The following FOXD1 variants were observed in gnomAD, a reference collection of about 807,000 sequenced individuals.
FOXD1 encodes the protein forkhead box protein D1.
Under a neutral mutation model 2.0 loss-of-function variants are expected in FOXD1, and 4 were observed. The ratio of observed to expected loss-of-function variants is 2.03; its 90% CI spans 1.00 to 4.64. The LOEUF (loss-of-function observed/expected upper bound fraction) is 4.64. Among genes scored for constraint, FOXD1 ranks in the 30% most tolerant of loss-of-function variants. The pLI, the probability that FOXD1 is intolerant of heterozygous loss-of-function variation, is 0.01. For missense variants in FOXD1, 586 were observed against 647.6 expected, an observed-to-expected ratio of 0.90 and a Z score of 1.03; for synonymous variants, 354 against 328.5, an observed-to-expected ratio of 1.08 and a Z score of -0.84.
chr5:73,447,670 G>A lies in FOXD1; in HGVS notation c.693C>T (p.Ala231=). ...GCAGCAGCAGAGACTCGGCGGCCGCGGCGTTGGGTGGGAGCAGCGGCTGCC... is the reference window on the plus strand; with the variant it reads ...GCAGCAGCAGAGACTCGGCGGCCGCAGCGTTGGGTGGGAGCAGCGGCTGCC... The part of the protein sequence containing the change: ...FKRQPLLPPN[A]AAAESLLLRG... Residue 231 remains alanine, a synonymous_variant, in exon 1 of 1, where the codon GCC becomes GCT. Transcript: ENST00000615637. The surrounding 1 kb of genome is among the most constrained non-coding windows in gnomAD (Gnocchi z 7.8). 1 of 1,581,620 alleles carries A rather than the reference G, an allele frequency of 6.3e-7. No homozygotes were observed. The highest frequency in any genetic ancestry group is 8.6e-7 in the Non-Finnish European group (1 of 1,165,644).
In FOXD1 at chr5:73,447,255, C is replaced by T; in HGVS notation, c.1108G>A (p.Gly370Ser). 1 of 991,462 alleles carries T rather than the reference C, an allele frequency of 1.0e-6. No individual in the cohort carries two copies. Among genetic ancestry groups the T allele is most frequent in the South Asian group, 4.5e-5 (1 of 22,232 alleles). 61.4% of individuals were successfully genotyped at this position (991,462 alleles called of 1,614,324 possible). A position where few individuals can be genotyped will look rare whatever the true frequency, so the allele number is the denominator to read the frequency against. Residue 370 changes from glycine (G) to serine (S), a missense_variant, in exon 1 of 1, where the codon GGC becomes AGC. By Grantham distance (56) the Gly-to-Ser change is moderately conservative. This residue lies in a region of FOXD1 where 253 missense variants were observed against 234.4 expected (regional missense o/e 1.08). Coordinates refer to ENST00000615637, the MANE Select transcript of FOXD1 (RefSeq NM_004472.3). This position sits in a 1 kb window ranked among gnomAD's most constrained non-coding sequence, Gnocchi z 7.8. Reference sequence around the variant, plus strand: ...GCAGCGGCGGCCGGGCCCAAGCTGCCCCCGATGATGCTCTCGATGGAGAAG... The same window carrying T: ...GCAGCGGCGGCCGGGCCCAAGCTGCTCCCGATGATGCTCTCGATGGAGAAG... ...SPFSIESIIGGSLGPAAAAAA... is the reference protein window; with the variant it reads ...SPFSIESIIGSSLGPAAAAAA...
rs1745533215 is a variant in FOXD1, at chr5:73,447,673, G to A, written c.690C>T (p.Asn230=). 6.3e-7 allele frequency: 1 copy of A among 1,589,336 alleles called. No individual in the cohort carries two copies. The highest frequency in any genetic ancestry group is 8.6e-7 in the Non-Finnish European group (1 of 1,169,196). ...GCAGCAGAGACTCGGCGGCCGCGGCGTTGGGTGGGAGCAGCGGCTGCCGCT... is the reference window on the plus strand; with the variant it reads ...GCAGCAGAGACTCGGCGGCCGCGGCATTGGGTGGGAGCAGCGGCTGCCGCT... ...RFKRQPLLPP[N]AAAAESLLLR... Residue 230 remains asparagine (N), a synonymous_variant, in exon 1 of 1, where the codon AAC becomes AAT. Transcript: ENST00000615637. The surrounding 1 kb of genome is among the most constrained non-coding windows in gnomAD (Gnocchi z 7.8).
chr5:73,447,338 AG>A lies in FOXD1; in HGVS notation c.1024del (p.Leu342CysfsTer231). ...GCCCGCCTTGGCCGCGGAGGCCGGC[AG>A]GGGGCCGGGTAGGGCGGCGCCGAGC... is the stretch of plus-strand genomic sequence containing the variant. ...HPLGAALPGP[L>X]PASAAKAGGP... On this transcript the variant is annotated frameshift_variant, in exon 1 of 1. Transcript: ENST00000615637. LOFTEE classifies it low-confidence loss of function (END_TRUNC). The surrounding 1 kb of genome is among the most constrained non-coding windows in gnomAD (Gnocchi z 7.8). 2.0e-6 allele frequency: 2 copies of A among 983,640 alleles called. No homozygotes were observed. Among genetic ancestry groups the A allele is most frequent in the Non-Finnish European group, 2.4e-6 (2 of 830,454 alleles). The allele number at this position is 983,640 out of a possible 1,614,324, so 60.9% of individuals were successfully genotyped here.
Position 73,448,090 on chromosome 5 carries a change from G to A in FOXD1, c.273C>T (p.Gly91=). ...PPAGGSPAPP[G]PAPAAGAGAG... is the part of the protein sequence containing the mutation. ...CTCCTGCCCCCGCCGCCGGGGCCGG[G>A]CCCGGGGGCGCCGGGGAGCCCCCAG... The change falls in exon 1 of 1, where the codon GGC becomes GGT. Residue 91 remains glycine, a synonymous_variant. Transcript: ENST00000615637. The A allele has an allele frequency of 8.8e-7, 1 of 1,140,048 alleles. No individual in the cohort carries two copies. 70.6% of individuals were successfully genotyped at this position (1,140,048 alleles called of 1,614,324 possible).
Position 73,448,726 on chromosome 5 carries a change from C to T in FOXD1, c.-364G>A, listed in dbSNP as rs969756047. Reference sequence around the variant, plus strand: ...AGAACGCCAGGCGCCCAGGAACGTGCGGGACGGGTGAGAGTCTAAGAACAG... The same window carrying T: ...AGAACGCCAGGCGCCCAGGAACGTGTGGGACGGGTGAGAGTCTAAGAACAG... On this transcript the variant is annotated 5_prime_UTR_variant, in exon 1 of 1. Transcript: ENST00000615637. Among the ~76,000 whole-genome samples the T allele has an allele frequency of 1.3e-5, 2 of 152,024 alleles. No individual in the cohort carries two copies. Among genetic ancestry groups the T allele is most frequent in the Non-Finnish European group, 2.9e-5 (2 of 68,022 alleles).
Position 73,447,632 on chromosome 5 carries a change from G to A in FOXD1, c.731C>T (p.Ala244Val). 1 of 1,404,642 alleles carries A rather than the reference G, an allele frequency of 7.1e-7. No homozygotes were observed. Among genetic ancestry groups the A allele is most frequent in the Non-Finnish European group, 9.3e-7 (1 of 1,080,524 alleles). 87.0% of individuals were successfully genotyped at this position (1,404,642 alleles called of 1,614,324 possible). ...AESLLLRGAG[A>V]AGGAGDPAAA... ...TGCCGGGTCGCCCGCGCCCCCTGCG[G>A]CTCCCGCGCCGCGCAGCAGCAGAGA... The change falls in exon 1 of 1, where the codon GCC (alanine) becomes GTC (valine). Residue 244 changes from alanine to valine, a missense_variant. Physicochemically the swap from Ala to Val is moderately conservative, Grantham distance 64. Coordinates refer to ENST00000615637, the MANE Select transcript of FOXD1 (RefSeq NM_004472.3). The surrounding 1 kb of genome is among the most constrained non-coding windows in gnomAD (Gnocchi z 7.8).
chr5:73,447,198 G>C lies in FOXD1; in HGVS notation c.1165C>G (p.Gln389Glu). The stretch of plus-strand genomic sequence containing the variant: ...ACCGGCGAGGGCGAGGGCGAGGCCT[G>C]AGCGGCGGCGGCGGCCTGCGCGGCG... The part of the protein sequence containing the change: ...AAAAQAAAAA[Q>E]ASPSPSPVAA... The change falls in exon 1 of 1, where the codon CAG (glutamine) becomes GAG (glutamate). Residue 389 changes from glutamine (Q) to glutamate (E), a missense_variant. Coordinates refer to ENST00000615637, the MANE Select transcript of FOXD1 (RefSeq NM_004472.3). The surrounding 1 kb of genome is among the most constrained non-coding windows in gnomAD (Gnocchi z 7.8). 1.0e-6 allele frequency: 1 copy of C among 996,216 alleles called. No homozygotes were observed. Among genetic ancestry groups the C allele is most frequent in the Non-Finnish European group, 1.2e-6 (1 of 840,102 alleles). 61.7% of individuals were successfully genotyped at this position (996,216 alleles called of 1,614,324 possible). A position where few individuals can be genotyped will look rare whatever the true frequency, so the allele number is the denominator to read the frequency against.
In FOXD1 at chr5:73,447,679, T is replaced by A. The variant is rs544029300; in HGVS notation, c.684A>T (p.Pro228=). 1.3e-6 allele frequency: 2 copies of A among 1,594,322 alleles called. No individual in the cohort carries two copies. Among genetic ancestry groups the A allele is most frequent in the Non-Finnish European group, 1.7e-6 (2 of 1,171,606 alleles). Residue 228 remains proline, a synonymous_variant, in exon 1 of 1, where the codon CCA becomes CCT. Coordinates refer to ENST00000615637, the MANE Select transcript of FOXD1 (RefSeq NM_004472.3). This position sits in a 1 kb window ranked among gnomAD's most constrained non-coding sequence, Gnocchi z 7.8. ...RKRFKRQPLL[P]PNAAAAESLL... ...GAGACTCGGCGGCCGCGGCGTTGGG[T>A]GGGAGCAGCGGCTGCCGCTTGAAGC...
rs1745531017 is a variant in FOXD1, at chr5:73,447,602, G to A, written c.761C>T (p.Ala254Val). The change falls in exon 1 of 1, where the codon GCC becomes GTC. Residue 254 changes from alanine to valine, a missense_variant. Ala to Val is a moderately conservative substitution (Grantham distance 64, BLOSUM62 0). Transcript: ENST00000615637. The surrounding 1 kb of genome is among the most constrained non-coding windows in gnomAD (Gnocchi z 7.8). ...GGGCGCGGGCGGGAAGAGCGCGGCG[G>A]CGGCTGCCGGGTCGCCCGCGCCCCC... The part of the protein sequence containing the change: ...AAGGAGDPAA[A>V]AALFPPAPPP... The A allele has an allele frequency of 3.3e-6, 4 of 1,204,894 alleles. No individual in the cohort carries two copies. The highest frequency in any genetic ancestry group is 4.1e-6 in the Non-Finnish European group (4 of 965,350). The allele number at this position is 1,204,894 out of a possible 1,614,324, so 74.6% of individuals were successfully genotyped here.
chr5:73,448,471 C>G lies in FOXD1; in HGVS notation c.-109G>C, dbSNP rs1285506974. ...GCAGGCCCGGCCGGGGGGCGCCACG[C>G]TGGGGGCGCTGCGACTGCGGCTGCC... On this transcript the variant is annotated 5_prime_UTR_variant, in exon 1 of 1. Coordinates refer to ENST00000615637, the MANE Select transcript of FOXD1 (RefSeq NM_004472.3). 5 of 606,672 alleles carry G rather than the reference C, an allele frequency of 8.2e-6. No homozygotes were observed. The highest frequency in any genetic ancestry group is 1.0e-5 in the Non-Finnish European group (5 of 483,188). The allele number at this position is 606,672 out of a possible 1,614,324, so 37.6% of individuals were successfully genotyped here. A position where few individuals can be genotyped will look rare whatever the true frequency, so the allele number is the denominator to read the frequency against.
Position 73,448,036 on chromosome 5 carries a change from CGCG to C in FOXD1, c.324_326del (p.Ala109del). Reference sequence around the variant, plus strand: ...CGCTACCCGCGCTCCCGCCGCCGCCCGCGCCGCCGCCGCCGCCGCCCCCACCGG... The same window carrying C: ...CGCTACCCGCGCTCCCGCCGCCGCCCCCGCCGCCGCCGCCGCCCCCACCGG... On this transcript the variant is annotated inframe_deletion, in exon 1 of 1. Coordinates refer to ENST00000615637, the MANE Select transcript of FOXD1 (RefSeq NM_004472.3). 1 of 1,298,056 alleles carries C rather than the reference CGCG, an allele frequency of 7.7e-7. No homozygotes were observed. The highest frequency in any genetic ancestry group is 9.8e-7 in the Non-Finnish European group (1 of 1,016,566). 80.4% of individuals were successfully genotyped at this position (1,298,056 alleles called of 1,614,324 possible). A position where few individuals can be genotyped will look rare whatever the true frequency, so the allele number is the denominator to read the frequency against.
rs1434660846 is a variant in FOXD1, at chr5:73,447,178, C to G, written c.1185G>C (p.Ser395=). ...AAAAQASPSP[S]PVAAPPAPGS... The stretch of plus-strand genomic sequence containing the variant: ...CGGGAGCTGGCGGCGCCGCCACCGG[C>G]GAGGGCGAGGGCGAGGCCTGAGCGG... The change falls in exon 1 of 1, where the codon TCG becomes TCC. Residue 395 remains serine, a synonymous_variant. Coordinates refer to ENST00000615637, the MANE Select transcript of FOXD1 (RefSeq NM_004472.3). The surrounding 1 kb of genome is among the most constrained non-coding windows in gnomAD (Gnocchi z 7.8). 1.6e-5 allele frequency: 16 copies of G among 1,031,842 alleles called. No individual in the cohort carries two copies. The highest frequency in any genetic ancestry group is 1.7e-5 in the African/African-American group (1 of 57,224). 63.9% of individuals were successfully genotyped at this position (1,031,842 alleles called of 1,614,324 possible).
In FOXD1 at chr5:73,447,694, C is replaced by T. The variant is rs1745533666; in HGVS notation, c.669G>A (p.Arg223=). The T allele has an allele frequency of 6.2e-7, 1 of 1,603,952 alleles. No homozygotes were observed. The highest frequency in any genetic ancestry group is 8.5e-7 in the Non-Finnish European group (1 of 1,176,090). The change falls in exon 1 of 1, where the codon CGG becomes CGA. Residue 223 remains arginine (R), a synonymous_variant. Coordinates refer to ENST00000615637, the MANE Select transcript of FOXD1 (RefSeq NM_004472.3). This position sits in a 1 kb window ranked among gnomAD's most constrained non-coding sequence, Gnocchi z 7.8. Reference sequence around the variant, plus strand: ...CGGCGTTGGGTGGGAGCAGCGGCTGCCGCTTGAAGCGCTTCCTCCGGCGCA... The same window carrying T: ...CGGCGTTGGGTGGGAGCAGCGGCTGTCGCTTGAAGCGCTTCCTCCGGCGCA... The part of the protein sequence containing the change: ...SFLRRRKRFK[R]QPLLPPNAAA...
Position 73,446,997 on chromosome 5 carries a change from C to T in FOXD1, c.1366G>A (p.Glu456Lys). 6.5e-7 allele frequency: 1 copy of T among 1,547,398 alleles called. No homozygotes were observed. The highest frequency in any genetic ancestry group is 8.7e-7 in the Non-Finnish European group (1 of 1,145,166). Residue 456 changes from glutamate to lysine, a missense_variant, in exon 1 of 1, where the codon GAG becomes AAG. By Grantham distance (56) the Glu-to-Lys change is moderately conservative. Around this residue, in one of 4 missense-constraint regions of FOXD1, gnomAD observed 46 missense variants for 78.6 expected, o/e 0.58. Coordinates refer to ENST00000615637, the MANE Select transcript of FOXD1 (RefSeq NM_004472.3). ...LHQGTALSSV[E>K]NFTARISNC ...TTGGAAATCCTAGCAGTAAAGTTCT[C>T]GACACTGGACAGGGCAGTCCCTTGG... is the stretch of plus-strand genomic sequence containing the variant.
rs1194525095 is a variant in FOXD1 at position 73,447,220 on chromosome 5, G to T, written c.1143C>A (p.Ala381=). The T allele has an allele frequency of 8.1e-6, 8 of 985,236 alleles. No homozygotes were observed. The highest frequency in any genetic ancestry group is 9.6e-6 in the Non-Finnish European group (8 of 831,314). 61.0% of individuals were successfully genotyped at this position (985,236 alleles called of 1,614,324 possible). The change falls in exon 1 of 1, where the codon GCC becomes GCA. Residue 381 remains alanine (A), a synonymous_variant. Transcript: ENST00000615637. This position sits in a 1 kb window ranked among gnomAD's most constrained non-coding sequence, Gnocchi z 7.8. ...CCTGAGCGGCGGCGGCGGCCTGCGC[G>T]GCGGCGGCGGCAGCGGCGGCCGGGC... ...SLGPAAAAAA[A]AQAAAAAQAS...
Position 73,448,081 on chromosome 5 carries a change from CG to C in FOXD1, c.281del (p.Pro94ArgfsTer31). ...CCCCACCGGCTCCTGCCCCCGCCGC[CG>C]GGGCCGGGCCCGGGGGCGCCGGGGA... is the stretch of plus-strand genomic sequence containing the variant. The part of the protein sequence containing the change: ...GGSPAPPGPA[P>X]AAGAGAGGGG... On this transcript the variant is annotated frameshift_variant, in exon 1 of 1. Coordinates refer to ENST00000615637, the MANE Select transcript of FOXD1 (RefSeq NM_004472.3). LOFTEE classifies it low-confidence loss of function (END_TRUNC). The C allele has an allele frequency of 8.9e-7, 1 of 1,124,198 alleles. No homozygotes were observed. 69.6% of individuals were successfully genotyped at this position (1,124,198 alleles called of 1,614,324 possible).
Position 73,446,916 on chromosome 5 carries a change from A to T in FOXD1, c.*49T>A. ...AACACCGAACCACCAAGACGAGAAA[A>T]GGAGCCGGGATTCCTACCTTCTTCC... On this transcript the variant is annotated 3_prime_UTR_variant, in exon 1 of 1. Coordinates refer to ENST00000615637, the MANE Select transcript of FOXD1 (RefSeq NM_004472.3). 1 of 1,454,232 alleles carries T rather than the reference A, an allele frequency of 6.9e-7. No individual in the cohort carries two copies. The highest frequency in any genetic ancestry group is 9.4e-7 in the Non-Finnish European group (1 of 1,067,502). 90.1% of individuals were successfully genotyped at this position (1,454,232 alleles called of 1,614,324 possible). A position where few individuals can be genotyped will look rare whatever the true frequency, so the allele number is the denominator to read the frequency against.
rs1303103587 is a variant in FOXD1 at position 73,448,162 on chromosome 5, A to C, written c.201T>G (p.Asp67Glu). Residue 67 changes from aspartate to glutamate, a missense_variant, in exon 1 of 1, where the codon GAT (aspartate) becomes GAG (glutamate). Asp to Glu is a conservative substitution (Grantham distance 45). Transcript: ENST00000615637. The part of the protein sequence containing the change: ...RSYAGEDELE[D>E]LEEEEDDDDI... ...CATCGTCGTCCTCCTCCTCCTCCAGATCCTCCAGCTCGTCCTCCCCGGCGT... is the reference window on the plus strand; with the variant it reads ...CATCGTCGTCCTCCTCCTCCTCCAGCTCCTCCAGCTCGTCCTCCCCGGCGT... 1 of 1,424,702 alleles carries C rather than the reference A, an allele frequency of 7.0e-7. No homozygotes were observed. Among genetic ancestry groups the C allele is most frequent in the Non-Finnish European group, 9.2e-7 (1 of 1,083,024 alleles). The allele number at this position is 1,424,702 out of a possible 1,614,324, so 88.3% of individuals were successfully genotyped here. A position where few individuals can be genotyped will look rare whatever the true frequency, so the allele number is the denominator to read the frequency against.
chr5:73,448,322 G>T lies in FOXD1; in HGVS notation c.41C>A (p.Ala14Asp). 6.9e-7 allele frequency: 1 copy of T among 1,456,218 alleles called. No individual in the cohort carries two copies. 90.2% of individuals were successfully genotyped at this position (1,456,218 alleles called of 1,614,324 possible). Residue 14 changes from alanine to aspartate, a missense_variant, in exon 1 of 1, where the codon GCC becomes GAC. By Grantham distance (126) the Ala-to-Asp change is moderately radical. Coordinates refer to ENST00000615637, the MANE Select transcript of FOXD1 (RefSeq NM_004472.3). Reference protein sequence around the residue: ...STEMSDASGLAEETDIDVVGE... With the variant: ...STEMSDASGLDEETDIDVVGE... ...CACCACGTCGATGTCTGTTTCCTCG[G>T]CGAGGCCAGAGGCATCGGACATCTC...
Sources: gnomAD v4.1 joint callset for allele counts (sites outside exome capture counted in the v4.1 genomes callset) on GRCh38, gnomAD v4.1.1 for gene constraint, gnomAD v4.1.1 regional missense constraint, Gnocchi (gnomAD v3.1) non-coding constraint, MANE v1.5 for transcripts, NCBI Gene and HGNC (gene_info 2026-07-23, HGNC 2026-07-21) for gene names.